Variants in LTV1 observed in about 807,000 individuals in gnomAD.
LTV1 encodes the protein LTV1 ribosome biogenesis factor, also known as protein LTV1 homolog.
A neutral mutation model predicts 59.9 loss-of-function variants in LTV1; 39 were observed. The ratio of observed to expected loss-of-function variants is 0.65; its 90% CI spans 0.50 to 0.85. The LOEUF is 0.85. LTV1 is among the 40% of genes least tolerant of loss of function. The pLI, the probability that LTV1 is intolerant of heterozygous loss-of-function variation, is 0.00. For missense variants in LTV1, 493 were observed against 549.1 expected (o/e 0.90, Z 1.02); for synonymous variants, 171 against 189.5 (o/e 0.90, Z 0.80).
intron 4 of LTV1, among the ~76,000 whole-genome samples, chr6:143,854,515 CT>C (rs1228217542): frequency 6.6e-6 from 1 of 152,084 alleles, no homozygotes; most frequent in African/African-American, 2.4e-5. Context: ...TCTTGTTTCT[CT>C]ACTTCTTTTA....
At position 143,863,255 on chromosome 6, in the gene LTV1, C is replaced by T. The variant is rs11543582; in HGVS notation, c.1286C>T (p.Ala429Val). 413 of 1,613,698 alleles carry T rather than the reference C, an allele frequency of 2.6e-4. 1 individual carries two copies. Among genetic ancestry groups the T allele is most frequent in the Non-Finnish European group, 3.3e-4 (387 of 1,179,882 alleles). Residue 429 changes from alanine to valine, a missense_variant, in exon 10 of 11, where the codon GCA becomes GTA. Ala to Val is a moderately conservative substitution (Grantham distance 64, BLOSUM62 0). Transcript: ENST00000367576. This position sits in a 1 kb window ranked among gnomAD's most constrained non-coding sequence, Gnocchi z 4.5. ...SKNESKEDKR[A>V]RKQAIKEERK... ...AATGAAAGCAAAGAAGATAAAAGAG[C>T]AAGAAAGCAAGCTATAAAAGAAGAG...
At chr6:143,846,462 GATAGAC>G (rs1389757704) in intron 3 of LTV1, among the ~76,000 whole-genome samples, 3 of 151,938 alleles carry the variant, frequency 2.0e-5, no homozygotes, top group African/African-American at 7.3e-5. Flanking sequence ...ACTTTTGATT[GATAGAC>G]ATGGCCATGT....
intron 7 of LTV1, among the ~76,000 whole-genome samples, chr6:143,861,691 T>A (rs754109802): frequency 6.6e-6 from 1 of 152,184 alleles, no homozygotes; most frequent in Non-Finnish European, 1.5e-5. Context: ...GAGAAACTGA[T>A]GAAGTGTTCA....
At chr6:143,858,067 T>C (rs1777108959) in intron 6 of LTV1, 60 bp downstream of exon 6, 1 of 1,511,836 alleles carries the variant, frequency 6.6e-7, no homozygotes. Context: ...TTTTTTTTAA[T>C]ACCTGTCAGC....
intron 6 of LTV1, 45 bp downstream of exon 6, chr6:143,858,052 A>AT (rs1158253992): frequency 1.3e-6 from 2 of 1,582,254 alleles, no homozygotes; most frequent in Non-Finnish European, 1.7e-6. Context: ...TCTTATGTTA[A>AT]ATTTTTTTTT....
chr6:143,852,247 C>T lies in LTV1; in HGVS notation c.397+2029C>T, dbSNP rs572263592. 2.0e-4 allele frequency among the ~76,000 whole-genome samples: 30 copies of T among 152,320 alleles called. No individual in the cohort carries two copies. The South Asian group carries it at 5.8e-3, about 29-fold the overall frequency. On this transcript the variant is annotated intron_variant, in intron 4 of 10. Transcript: ENST00000367576. ...CTCTCCAGAATCTGTTGTTTCCTGA[C>T]TTTTTAATGATTGCCATTCTAACTG...
intron 6 of LTV1, chr6:143,858,241 A>C: frequency 2.1e-6 from 1 of 473,894 alleles, no homozygotes; most frequent in East Asian, 3.6e-5. Context: ...AAGAAGAGTA[A>C]TTGGTTAGGA....
At chr6:143,859,777 A>G (rs1777133421) in intron 6 of LTV1, among the ~76,000 whole-genome samples, 2 of 152,222 alleles carry the variant, frequency 1.3e-5, no homozygotes, top group Non-Finnish European at 2.9e-5. Context: ...TTTCAGTTGC[A>G]CAATCTTTTA....
chr6:143,856,697 G>C (rs1041149380), intron 4 of LTV1, among the ~76,000 whole-genome samples: 2 of 152,196 alleles, frequency 1.3e-5, no homozygotes, highest in Non-Finnish European at 2.9e-5. Flanking sequence ...CCCCTCTGCT[G>C]TAGGTCTGCT....
At chr6:143,858,505 A>AT (rs1777114978) in intron 6 of LTV1, 1 of 158,536 alleles carries the variant, frequency 6.3e-6, no homozygotes, top group Non-Finnish European at 1.4e-5. Flanking sequence ...TAGAATGTGA[A>AT]TCCCCCAAGG....
Position 143,846,069 on chromosome 6 carries a change from C to T in LTV1, c.154C>T (p.Arg52Ter), listed in dbSNP as rs147204809. The change falls in exon 3 of 11, where the codon CGA becomes TGA. Residue 52 changes from arginine to a stop codon, truncating the protein, a stop_gained. Transcript: ENST00000367576. LOFTEE classifies it high-confidence loss of function. ...TTTATAGATAGACAATGAAGAAAGG[C>T]GAGCAGAACAGAGGAAGTATGGAGT... is the stretch of plus-strand genomic sequence containing the variant. ...PTQKIDNEER[R>*]AEQRKYGVFF... 2.4e-4 allele frequency: 387 copies of T among 1,612,376 alleles called. No individual in the cohort carries two copies. Among genetic ancestry groups the T allele is most frequent in the Non-Finnish European group, 2.8e-4 (330 of 1,179,524 alleles).
intron 7 of LTV1, among the ~76,000 whole-genome samples, chr6:143,861,671 T>A (rs1484413270): frequency 6.6e-6 from 1 of 152,162 alleles, no homozygotes; most frequent in Non-Finnish European, 1.5e-5. Flanking sequence ...TCAAGGTGAC[T>A]CTTCTCTGAG....
Position 143,850,219 on chromosome 6 carries a change from G to A in LTV1, c.397+1G>A. Reference sequence around the variant, plus strand: ...TTAAATAAAGCAGCTCCAGTTTCAGGTATTTTTAATTGCTTTATCTTTTCA... The same window carrying A: ...TTAAATAAAGCAGCTCCAGTTTCAGATATTTTTAATTGCTTTATCTTTTCA... On this transcript the variant is annotated splice_donor_variant, in intron 4 of 10. Coordinates refer to ENST00000367576, the MANE Select transcript of LTV1 (RefSeq NM_032860.5). LOFTEE classifies it high-confidence loss of function. The A allele has an allele frequency of 6.2e-7, 1 of 1,610,402 alleles. No individual in the cohort carries two copies. Among genetic ancestry groups the A allele is most frequent in the Non-Finnish European group, 8.5e-7 (1 of 1,177,512 alleles).
chr6:143,853,396 A>G (rs1777018099), intron 4 of LTV1, among the ~76,000 whole-genome samples: 2 of 152,178 alleles, frequency 1.3e-5, no homozygotes, highest in Admixed American at 6.5e-5. Flanking sequence ...CTAAATAGAC[A>G]GTGATGTTAA....
intron 6 of LTV1, 189 bp downstream of exon 6, chr6:143,858,196 C>T: frequency 1.6e-6 from 1 of 621,142 alleles, no homozygotes; most frequent in Non-Finnish European, 2.9e-6. Context: ...AGTACAGGAG[C>T]ACAAAGACTG....
chr6:143,843,404 AC>A lies in LTV1; in HGVS notation c.-72del. ...GCCTACAGAAGCGGCCTTCAGCTGG[AC>A]CTTGGTCTCCCCGCCGGACTTCGAG... On this transcript the variant is annotated 5_prime_UTR_variant, in exon 1 of 11. Coordinates refer to ENST00000367576, the MANE Select transcript of LTV1 (RefSeq NM_032860.5). 6.3e-7 allele frequency: 1 copy of A among 1,597,846 alleles called. No individual in the cohort carries two copies. The highest frequency in any genetic ancestry group is 8.6e-7 in the Non-Finnish European group (1 of 1,169,416).
At position 143,843,398 on chromosome 6, in the gene LTV1, A is replaced by C. The variant is rs1776831256; in HGVS notation, c.-80A>C. On this transcript the variant is annotated 5_prime_UTR_variant, in exon 1 of 11. Transcript: ENST00000367576. ...GGTGAGGCCTACAGAAGCGGCCTTCAGCTGGACCTTGGTCTCCCCGCCGGA... is the reference window on the plus strand; with the variant it reads ...GGTGAGGCCTACAGAAGCGGCCTTCCGCTGGACCTTGGTCTCCCCGCCGGA... 1 of 1,585,728 alleles carries C rather than the reference A, an allele frequency of 6.3e-7. No individual in the cohort carries two copies.
rs998985901 is a variant in LTV1 at position 143,855,576 on chromosome 6, G to A, written c.398-1727G>A. Among the ~76,000 whole-genome samples the A allele has an allele frequency of 2.0e-5, 3 of 152,162 alleles. No homozygotes were observed. Among genetic ancestry groups the A allele is most frequent in the Non-Finnish European group, 4.4e-5 (3 of 68,024 alleles). On this transcript the variant is annotated intron_variant, in intron 4 of 10. Transcript: ENST00000367576. This position sits in a 1 kb window ranked among gnomAD's most constrained non-coding sequence, Gnocchi z 4.6. ...CTGTTTGGTACGTTTTGCAGTGGCT[G>A]GTACCAGTTTTTCCTTTCCATATTT...
chr6:143,858,607 GATAA>G (rs1777116649), intron 6 of LTV1: 1 of 153,214 alleles, frequency 6.5e-6, no homozygotes, highest in South Asian at 2.1e-4. Context: ...TTCCATAAAT[GATAA>G]ATGAATGAAG....
Sources: allele counts gnomAD v4.1 joint callset (sites outside exome capture counted in the v4.1 genomes callset), GRCh38; gene constraint gnomAD v4.1.1; non-coding constraint Gnocchi (gnomAD v3.1); transcripts MANE v1.5; gene names NCBI Gene and HGNC (gene_info 2026-07-23, HGNC 2026-07-21).